Variants in ZFP64 observed in about 807,000 individuals in gnomAD.
The protein encoded by ZFP64 is zinc finger protein 64.
In ZFP64, 14 loss-of-function variants were observed where a neutral mutation model predicts 51.6. The ratio of observed to expected loss-of-function variants is 0.27; its 90% CI spans 0.18 to 0.42. ZFP64 has a LOEUF of 0.42. Among genes scored for constraint, ZFP64 ranks in the 10% least tolerant of loss-of-function variants. ZFP64 has a pLI of 1.00. For missense variants in ZFP64, 754 were observed against 906.8 expected (o/e 0.83, Z 2.16); for synonymous variants, 375 against 361.4 (o/e 1.04, Z -0.43).
At chr20:52,099,508 C>T (rs181057603) in intron 5 of ZFP64, among the ~76,000 whole-genome samples, 3 of 152,240 alleles carry the variant, frequency 2.0e-5, no homozygotes, top group Admixed American at 6.5e-5. Flanking sequence ...TCGACAATAT[C>T]GGGACTTTAC....
intron 5 of ZFP64, among the ~76,000 whole-genome samples, chr20:52,122,455 G>A (rs1055212658): frequency 4.8e-5 from 7 of 146,776 alleles, no homozygotes; most frequent in Non-Finnish European, 7.4e-5. Flanking sequence ...GCAGTGAGCC[G>A]AGATGGCTCC....
intron 5 of ZFP64, among the ~76,000 whole-genome samples, chr20:52,109,921 A>G (rs1197980985): frequency 6.6e-6 from 1 of 152,186 alleles, no homozygotes; most frequent in East Asian, 1.9e-4. Context: ...CATGCATTGA[A>G]AAGTACTTTC....
At position 52,152,918 on chromosome 20, in the gene ZFP64, A is replaced by G. The variant is rs16996517; in HGVS notation, c.1274T>C (p.Phe425Ser). The G allele has an allele frequency of 6.2e-7, 1 of 1,613,842 alleles. No homozygotes were observed. The highest frequency in any genetic ancestry group is 1.1e-5 in the South Asian group (1 of 91,088). The change falls in exon 6 of 6, where the codon TTC (phenylalanine) becomes TCC (serine). Residue 425 changes from phenylalanine to serine, a missense_variant. Transcript: ENST00000216923. ...QVAKLDAKKS[F>S]HCDICDASFM... is the part of the protein sequence containing the mutation. The stretch of plus-strand genomic sequence containing the variant: ...GGAGGCATCGCATATATCGCAGTGG[A>G]AACTCTTCTTGGCATCCAGCTTGGC...
chr20:52,171,981 A>G (rs1373693292), intron 2 of ZFP64, among the ~76,000 whole-genome samples: 1 of 152,170 alleles, frequency 6.6e-6, no homozygotes, highest in East Asian at 1.9e-4. Context: ...CTCCTGCCTC[A>G]GGTGATGTGC....
rs1271533115 is a variant in ZFP64, at chr20:52,100,994, G to C, written c.764-2407C>G. ...GATCTAGTCCAGTGGCTCTCAACTG[G>C]GGGCCATTCTACCACCAAAGGACAC... On this transcript the variant is annotated intron_variant, in intron 5 of 8. Coordinates refer to the ZFP64 transcript ENST00000361387. Among the ~76,000 whole-genome samples, 5 of 152,190 alleles carry C rather than the reference G, an allele frequency of 3.3e-5. No homozygotes were observed. The East Asian group carries it at 9.6e-4, about 29-fold the overall frequency.
chr20:52,148,774 A>C (rs945447790), downstream of ZFP64, among the ~76,000 whole-genome samples: 8 of 152,234 alleles, frequency 5.3e-5, no homozygotes, highest in Non-Finnish European at 7.3e-5. Flanking sequence ...CAAGCAGTAA[A>C]AACACTAAAG....
intron 5 of ZFP64, among the ~76,000 whole-genome samples, chr20:52,143,375 G>A (rs1438894217): frequency 7.0e-6 from 1 of 142,974 alleles, no homozygotes; most frequent in African/African-American, 2.5e-5. Context: ...GGAAAGAAGG[G>A]CATGTCATAT....
At chr20:52,124,586 G>T (rs1289150150) in intron 5 of ZFP64, among the ~76,000 whole-genome samples, 1 of 151,648 alleles carries the variant, frequency 6.6e-6, no homozygotes, top group African/African-American at 2.4e-5. Context: ...CAAAAATATT[G>T]TAAAAAAGTA....
At chr20:52,151,229 C>T (rs954359328), downstream of ZFP64, 3 of 985,206 alleles carry the variant, frequency 3.0e-6, no homozygotes, top group African/African-American at 3.5e-5. Context: ...GACTCACGCC[C>T]CATCATTCCC....
chr20:52,120,485 C>A (rs1979126202), intron 5 of ZFP64, among the ~76,000 whole-genome samples: 1 of 152,076 alleles, frequency 6.6e-6, no homozygotes, highest in Non-Finnish European at 1.5e-5. Context: ...ACGTCACAGA[C>A]ACTGTGTGTT....
At chr20:52,156,623 G>C (rs1981343878) in intron 5 of ZFP64, among the ~76,000 whole-genome samples, 1 of 152,222 alleles carries the variant, frequency 6.6e-6, no homozygotes, top group African/African-American at 2.4e-5. Flanking sequence ...TTGAGGTTTT[G>C]TGGGCTATTA....
exon 9 of ZFP64, chr20:52,084,957 T>C: frequency 6.2e-7 from 1 of 1,613,932 alleles, no homozygotes; most frequent in Non-Finnish European, 8.5e-7. Flanking sequence ...GACTCTGCTG[T>C]GCACGCGCAG....
At chr20:52,116,092 C>T (rs965612454) in intron 5 of ZFP64, among the ~76,000 whole-genome samples, 4 of 151,978 alleles carry the variant, frequency 2.6e-5, no homozygotes, top group Non-Finnish European at 5.9e-5. Flanking sequence ...CCTCATCCTC[C>T]CAAAGTGCTG....
intron 5 of ZFP64, chr20:52,110,476 G>T: frequency 1.5e-6 from 1 of 680,196 alleles, no homozygotes; most frequent in South Asian, 1.9e-5. Context: ...TCTCTATGCT[G>T]GGAAGTCCTC....
Position 52,191,550 on chromosome 20 carries a change from C to A in ZFP64, c.46+41G>T, listed in dbSNP as rs1235912916. On this transcript the variant is annotated intron_variant, in intron 1 of 5. Coordinates refer to ENST00000216923, the MANE Select transcript of ZFP64 (RefSeq NM_018197.3). The surrounding 1 kb of genome is among the most constrained non-coding windows in gnomAD (Gnocchi z 4.3). ...TTGGGCCCGGGCCCCGGAGCGCGCA[C>A]TGGGCCCCGGAGCGCGCACTGCTCC... The A allele has an allele frequency of 1.3e-6, 2 of 1,528,992 alleles. No homozygotes were observed. Among genetic ancestry groups the A allele is most frequent in the Admixed American group, 2.0e-5 (1 of 50,844 alleles). The allele number at this position is 1,528,992 out of a possible 1,614,324, so 94.7% of individuals were successfully genotyped here.
At chr20:52,189,153 C>A (rs1984190822) in intron 1 of ZFP64, among the ~76,000 whole-genome samples, 1 of 152,056 alleles carries the variant, frequency 6.6e-6, no homozygotes, top group Non-Finnish European at 1.5e-5. Context: ...TGTAACCCAG[C>A]ACTTTGGGAA....
chr20:52,094,624 T>C (rs1343586727), intron 7 of ZFP64, among the ~76,000 whole-genome samples: 1 of 152,094 alleles, frequency 6.6e-6, no homozygotes, highest in Non-Finnish European at 1.5e-5. Flanking sequence ...CTGGGCGAAA[T>C]GGGGCATGCC....
At chr20:52,167,375 A>G (rs1261799137) in intron 2 of ZFP64, among the ~76,000 whole-genome samples, 1 of 152,128 alleles carries the variant, frequency 6.6e-6, no homozygotes, top group Non-Finnish European at 1.5e-5. Flanking sequence ...ATAAAATTGT[A>G]AAAGATAAGA....
chr20:52,084,903 T>G, exon 9 of ZFP64: 2 of 1,613,670 alleles, frequency 1.2e-6, no homozygotes, highest in Non-Finnish European at 1.7e-6. Flanking sequence ...CCGCTTCGTG[T>G]CGAAGCTGCA....
Sources: gnomAD v4.1 joint callset for allele counts (sites outside exome capture counted in the v4.1 genomes callset) on GRCh38, gnomAD v4.1.1 for gene constraint, Gnocchi (gnomAD v3.1) non-coding constraint, MANE v1.5 for transcripts, NCBI Gene and HGNC (gene_info 2026-07-23, HGNC 2026-07-21) for gene names.